Variants in CPNE8 observed in about 807,000 individuals in gnomAD.
CPNE8 encodes the protein copine-8.
CPNE8 carries 45 observed loss-of-function variants against 81.5 expected under a neutral mutation model. The ratio of observed to expected loss-of-function variants is 0.55; its 90% CI spans 0.44 to 0.71. The LOEUF is 0.71. Ranked by LOEUF, CPNE8 falls within the 30% of genes least tolerant of loss-of-function variation. The pLI is 0.00. For synonymous variants in CPNE8, 252 were observed against 226.3 expected (o/e 1.11, Z -1.02); for missense variants, 594 against 672.1 (o/e 0.88, Z 1.28).
At position 38,712,926 on chromosome 12, in the gene CPNE8, A is replaced by G. The variant is rs1170697187; in HGVS notation, c.915-10005T>C. On this transcript the variant is annotated intron_variant, in intron 13 of 19. Coordinates refer to ENST00000331366, the MANE Select transcript of CPNE8 (RefSeq NM_153634.3). ...TTACTACAACAATATGATGACAACA[A>G]TACGATGAGCTTAGACGTATTAGAA... Among the ~76,000 whole-genome samples the G allele has an allele frequency of 1.4e-4, 21 of 152,312 alleles. No individual in the cohort carries two copies. The East Asian group carries it at 3.9e-3, about 28-fold the overall frequency.
chr12:38,716,549 C>G (rs1298656108), intron 13 of CPNE8, among the ~76,000 whole-genome samples: 1 of 151,840 alleles, frequency 6.6e-6, no homozygotes, highest in Non-Finnish European at 1.5e-5. Context: ...GAAAGAACAC[C>G]CTATTCAATA....
chr12:38,885,673 A>G (rs568852124), intron 1 of CPNE8, among the ~76,000 whole-genome samples: 1 of 152,134 alleles, frequency 6.6e-6, no homozygotes, highest in South Asian at 2.1e-4. Flanking sequence ...TCTCTAAACT[A>G]CATGGTGGGA....
chr12:38,715,042 A>C (rs1483802888), intron 13 of CPNE8, among the ~76,000 whole-genome samples: 1 of 152,110 alleles, frequency 6.6e-6, no homozygotes, highest in Admixed American at 6.5e-5. Flanking sequence ...ACGAGTAAAA[A>C]ACCAACAACA....
chr12:38,860,321 T>C lies in CPNE8; in HGVS notation c.187-11659A>G, dbSNP rs182858463. Among the ~76,000 whole-genome samples the C allele has an allele frequency of 1.8e-3, 268 of 148,894 alleles. 3 individuals carry two copies. The highest frequency in any genetic ancestry group is 0.017 in the Admixed American group (245 of 14,608). On this transcript the variant is annotated intron_variant, in intron 3 of 19. Transcript: ENST00000331366. Reference sequence around the variant, plus strand: ...AAAAGATGCTCAACATCACTAATCATTGGAGAACTGTAAATTCACACTTCC... The same window carrying C: ...AAAAGATGCTCAACATCACTAATCACTGGAGAACTGTAAATTCACACTTCC...
At chr12:38,744,583 T>C (rs989834853) in intron 10 of CPNE8, among the ~76,000 whole-genome samples, 1 of 152,170 alleles carries the variant, frequency 6.6e-6, no homozygotes, top group Non-Finnish European at 1.5e-5. Context: ...GTCATCTCTT[T>C]AACACTGGCC....
At chr12:38,776,843 C>T (rs554941258) in intron 6 of CPNE8, among the ~76,000 whole-genome samples, 27 of 152,152 alleles carry the variant, frequency 1.8e-4, no homozygotes, top group Admixed American at 1.4e-3. Flanking sequence ...TAGCACAGAG[C>T]ATTACTCATG....
At position 38,857,444 on chromosome 12, in the gene CPNE8, A is replaced by G. The variant is rs112788282; in HGVS notation, c.187-8782T>C. On this transcript the variant is annotated intron_variant, in intron 3 of 19. Coordinates refer to ENST00000331366, the MANE Select transcript of CPNE8 (RefSeq NM_153634.3). ...TCTATTTTTCTTGCAAAGTACAACT[A>G]AAAACACTGAACTACATTATAGTTA... Among the ~76,000 whole-genome samples, 1,098 of 152,324 alleles carry G rather than the reference A, an allele frequency of 7.2e-3. 6 individuals carry two copies. The highest frequency in any genetic ancestry group is 0.012 in the Non-Finnish European group (786 of 68,020).
Position 38,841,767 on chromosome 12 carries a change from A to G in CPNE8, c.291-1812T>C, listed in dbSNP as rs1490839315. Among the ~76,000 whole-genome samples, 3 of 152,204 alleles carry G rather than the reference A, an allele frequency of 2.0e-5. No homozygotes were observed. The East Asian group carries it at 5.8e-4, about 29-fold the overall frequency. On this transcript the variant is annotated intron_variant, in intron 4 of 19. Coordinates refer to ENST00000331366, the MANE Select transcript of CPNE8 (RefSeq NM_153634.3). The stretch of plus-strand genomic sequence containing the variant: ...ATGCCACTTTTGAATCTGCTTGAAA[A>G]TGTCCATGATAAAACTTAAAATATT...
chr12:38,663,450 A>G (rs1285173482), intron 19 of CPNE8, among the ~76,000 whole-genome samples: 1 of 152,102 alleles, frequency 6.6e-6, no homozygotes, highest in Admixed American at 6.6e-5. Context: ...CAAAACCACA[A>G]TGAGATATCA....
At chr12:38,835,019 T>G (rs142949044) in intron 5 of CPNE8, among the ~76,000 whole-genome samples, 13 of 152,222 alleles carry the variant, frequency 8.5e-5, no homozygotes, top group African/African-American at 3.1e-4. Context: ...CCTGAGTAGC[T>G]GGGATTGCAG....
At chr12:38,897,652 G>A (rs1944406830) in intron 1 of CPNE8, among the ~76,000 whole-genome samples, 1 of 150,070 alleles carries the variant, frequency 6.7e-6, no homozygotes, top group Non-Finnish European at 1.5e-5. Flanking sequence ...ATTACATATT[G>A]TATTATGTAT....
intron 10 of CPNE8, among the ~76,000 whole-genome samples, chr12:38,741,419 C>A (rs1208272549): frequency 1.3e-5 from 2 of 152,106 alleles, no homozygotes; most frequent in African/African-American, 2.4e-5. Flanking sequence ...CTGACAAAAA[C>A]AAGAAATGGG....
At chr12:38,743,022 A>C (rs958047872) in intron 10 of CPNE8, among the ~76,000 whole-genome samples, 2 of 152,102 alleles carry the variant, frequency 1.3e-5, no homozygotes, top group African/African-American at 4.8e-5. Context: ...AGCATAGCAT[A>C]CACAATAGTA....
At chr12:38,798,348 C>T (rs1234963994) in intron 6 of CPNE8, among the ~76,000 whole-genome samples, 2 of 152,158 alleles carry the variant, frequency 1.3e-5, no homozygotes, top group East Asian at 3.9e-4. Flanking sequence ...AACAGCTGAT[C>T]TCTCCGCAGA....
intron 6 of CPNE8, among the ~76,000 whole-genome samples, chr12:38,794,286 T>C (rs183469197): frequency 1.4e-3 from 208 of 152,240 alleles, no homozygotes; most frequent in African/African-American, 4.7e-3. Flanking sequence ...GAGAAAATAT[T>C]TGCAAATTAT....
chr12:38,788,624 CAA>C (rs776636677), intron 6 of CPNE8, among the ~76,000 whole-genome samples: 15 of 151,466 alleles, frequency 9.9e-5, no homozygotes, highest in Non-Finnish European at 1.6e-4. Context: ...AGACAAAAGA[CAA>C]GAGAAAGGTA....
intron 18 of CPNE8, among the ~76,000 whole-genome samples, chr12:38,672,427 G>A (rs889274548): frequency 2.0e-5 from 3 of 152,184 alleles, no homozygotes; most frequent in African/African-American, 7.2e-5. Context: ...GTGTGTAAGT[G>A]GTGGAGGGGT....
chr12:38,872,074 G>A (rs963514219), intron 3 of CPNE8, among the ~76,000 whole-genome samples: 1 of 152,130 alleles, frequency 6.6e-6, no homozygotes, highest in African/African-American at 2.4e-5. Flanking sequence ...GGCAGAGGTT[G>A]CAGTGAGCCA....
At chr12:38,874,377 G>A (rs1410755251) in intron 2 of CPNE8, 94 bp downstream of exon 2, 4 of 904,424 alleles carry the variant, frequency 4.4e-6, no homozygotes, top group Non-Finnish European at 7.2e-6. Flanking sequence ...TTGCTTTCTA[G>A]GCTTTAAAAC....
Sources: gnomAD v4.1 joint callset for allele counts (sites outside exome capture counted in the v4.1 genomes callset) on GRCh38, gnomAD v4.1.1 for gene constraint, MANE v1.5 for transcripts, NCBI Gene and HGNC (gene_info 2026-07-23, HGNC 2026-07-21) for gene names.